Variants in CDKN2B-AS1 observed in about 807,000 individuals in gnomAD.
The protein encoded by CDKN2B-AS1 is CDKN2B antisense RNA 1 (non-protein coding).
At chr9:22,054,283 C>A (rs187127159) in intron 3 of CDKN2B-AS1, among the ~76,000 whole-genome samples, 2 of 152,200 alleles carry the variant, frequency 1.3e-5, no homozygotes, top group Non-Finnish European at 2.9e-5. Flanking sequence ...TGCAGTTTGA[C>A]GCCAGAGTGC....
chr9:22,048,753 TAAG>T (rs1318815489), intron 2 of CDKN2B-AS1, among the ~76,000 whole-genome samples: 1 of 152,102 alleles, frequency 6.6e-6, no homozygotes, highest in Non-Finnish European at 1.5e-5. Flanking sequence ...GTGGGGAGGT[TAAG>T]GAGGGATAGC....
intron 4 of CDKN2B-AS1, among the ~76,000 whole-genome samples, chr9:22,087,072 C>T (rs1939267082): frequency 6.6e-6 from 1 of 152,202 alleles, no homozygotes; most frequent in Non-Finnish European, 1.5e-5. Flanking sequence ...CCTCCTTAGC[C>T]CCTGTAGTGA....
intron 4 of CDKN2B-AS1, among the ~76,000 whole-genome samples, chr9:22,114,019 T>C (rs766012103): frequency 6.6e-6 from 1 of 152,208 alleles, no homozygotes; most frequent in Non-Finnish European, 1.5e-5. Flanking sequence ...CGAGTCCTTT[T>C]AAAAGGATCC....
In CDKN2B-AS1 at chr9:22,006,755, CT is replaced by C. The variant is rs202025879; in HGVS notation, n.29+11604del. ...AATAAACAACTAAGTTTTTTTCTTT[CT>C]TTTTTTTTTAATTTATTTAGTTCTC... is the stretch of plus-strand genomic sequence containing the variant. On this transcript the variant is annotated intron_variant and non_coding_transcript_variant, in intron 1 of 4. Transcript: ENST00000650946. The surrounding 1 kb of genome is among the most constrained non-coding windows in gnomAD (Gnocchi z 6.4). 1.8e-4 allele frequency among the ~76,000 whole-genome samples: 26 copies of C among 148,102 alleles called. No individual in the cohort carries two copies. Among genetic ancestry groups the C allele is most frequent in the African/African-American group, 4.0e-4 (16 of 40,404 alleles).
At chr9:22,094,752 G>T (rs1825216365) in intron 4 of CDKN2B-AS1, among the ~76,000 whole-genome samples, 1 of 143,600 alleles carries the variant, frequency 7.0e-6, no homozygotes, top group Non-Finnish European at 1.5e-5. Context: ...TTTGCCATGG[G>T]TTCGAACTTC....
intron 4 of CDKN2B-AS1, among the ~76,000 whole-genome samples, chr9:22,089,701 C>T (rs1199266652): frequency 1.3e-5 from 2 of 152,118 alleles, no homozygotes; most frequent in African/African-American, 4.8e-5. Flanking sequence ...CCTCCTACCT[C>T]AGCCTCCCAA....
At chr9:22,017,379 C>T (rs1368221871) in intron 1 of CDKN2B-AS1, among the ~76,000 whole-genome samples, 1 of 152,170 alleles carries the variant, frequency 6.6e-6, no homozygotes, top group African/African-American at 2.4e-5. Flanking sequence ...GGGTTATCTA[C>T]CTCTTTTTTA....
At chr9:22,010,152 AAG>A (rs1821426248) in intron 1 of CDKN2B-AS1, among the ~76,000 whole-genome samples, 1 of 152,190 alleles carries the variant, frequency 6.6e-6, no homozygotes, top group African/African-American at 2.4e-5. Flanking sequence ...GAAACATCAT[AAG>A]AGAGGGGTGT....
At chr9:22,034,227 C>A (rs542157300) in intron 1 of CDKN2B-AS1, among the ~76,000 whole-genome samples, 1 of 152,292 alleles carries the variant, frequency 6.6e-6, no homozygotes, top group African/African-American at 2.4e-5. Context: ...TTATTCTGGT[C>A]TATAAATTCA....
At chr9:22,062,998 T>G (rs557168085) in intron 4 of CDKN2B-AS1, among the ~76,000 whole-genome samples, 13 of 148,478 alleles carry the variant, frequency 8.8e-5, no homozygotes, top group African/African-American at 2.7e-4. Flanking sequence ...TATATATATA[T>G]AGAGAGAGAG....
chr9:22,018,765 G>A (rs1222455276), intron 1 of CDKN2B-AS1, among the ~76,000 whole-genome samples: 2 of 152,136 alleles, frequency 1.3e-5, no homozygotes, highest in Non-Finnish European at 2.9e-5. Flanking sequence ...GCAATAATGT[G>A]AACATGAAAT....
intron 4 of CDKN2B-AS1, among the ~76,000 whole-genome samples, chr9:22,088,673 C>T (rs1824949160): frequency 6.6e-6 from 1 of 152,110 alleles, no homozygotes; most frequent in Non-Finnish European, 1.5e-5. Flanking sequence ...AATTACTGTC[C>T]TCTCAATAGC....
At chr9:22,107,059 C>T (rs1825678510) in intron 4 of CDKN2B-AS1, among the ~76,000 whole-genome samples, 1 of 152,156 alleles carries the variant, frequency 6.6e-6, no homozygotes, top group Admixed American at 6.5e-5. Flanking sequence ...AAAGGGAAGT[C>T]TTGTGGTCAA....
intron 1 of CDKN2B-AS1, among the ~76,000 whole-genome samples, chr9:22,013,409 A>G (rs2131204167): frequency 6.6e-6 from 1 of 152,256 alleles, no homozygotes; most frequent in South Asian, 2.1e-4. Context: ...GGATATTGAA[A>G]TTGGTTGAAA....
intron 4 of CDKN2B-AS1, chr9:22,112,386 T>C (rs1825825789): frequency 2.0e-5 from 3 of 152,190 alleles, no homozygotes; most frequent in African/African-American, 7.2e-5. Context: ...TTCTACAACA[T>C]CCACCACTGG....
intron 1 of CDKN2B-AS1, among the ~76,000 whole-genome samples, chr9:22,022,999 T>A (rs977534352): frequency 1.3e-5 from 2 of 152,326 alleles, no homozygotes; most frequent in East Asian, 1.9e-4. Flanking sequence ...AGGTCTGTTG[T>A]TAGTCTGATG....
At chr9:22,091,038 T>C (rs903349930) in intron 4 of CDKN2B-AS1, among the ~76,000 whole-genome samples, 2 of 152,238 alleles carry the variant, frequency 1.3e-5, no homozygotes, top group Non-Finnish European at 2.9e-5. Flanking sequence ...TTCAGCTTTC[T>C]ACATATGGCT....
intron 4 of CDKN2B-AS1, among the ~76,000 whole-genome samples, chr9:22,099,165 C>A (rs1344867653): frequency 2.0e-5 from 3 of 152,046 alleles, no homozygotes; most frequent in African/African-American, 7.2e-5. Flanking sequence ...GGAGAGGGAA[C>A]AACATGTACA....
chr9:22,075,775 T>C (rs1299537749), intron 4 of CDKN2B-AS1, among the ~76,000 whole-genome samples: 1 of 152,208 alleles, frequency 6.6e-6, no homozygotes, highest in Non-Finnish European at 1.5e-5. Flanking sequence ...GGACAACCGT[T>C]CACGTGAAAT....
Sources: allele counts gnomAD v4.1 joint callset (sites outside exome capture counted in the v4.1 genomes callset), GRCh38; gene constraint gnomAD v4.1.1; non-coding constraint Gnocchi (gnomAD v3.1); transcripts MANE v1.5; gene names NCBI Gene and HGNC (gene_info 2026-07-23, HGNC 2026-07-21).